RSF1: variants seen among roughly 807,000 people sequenced by gnomAD.
RSF1 encodes the protein remodeling and spacing factor 1.
In RSF1, 13 loss-of-function variants were observed where a neutral mutation model predicts 145.2. The ratio of observed to expected loss-of-function variants is 0.09; its 90% confidence interval spans 0.06 to 0.14. The LOEUF (loss-of-function observed/expected upper bound fraction) is 0.14, where lower values mean the gene tolerates loss of function less well. Ranked by LOEUF, RSF1 falls within the 10% of genes least tolerant of loss-of-function variation. RSF1 has a pLI of 1.00. For missense variants in RSF1, 1,517 were observed against 1,718.2 expected (o/e 0.88, Z 2.07); for synonymous variants, 577 against 592.6 (o/e 0.97, Z 0.38).
At chr11:77,672,538 A>C (rs1959583712) in intron 14 of RSF1, among the ~76,000 whole-genome samples, 1 of 151,876 alleles carries the variant, frequency 6.6e-6, no homozygotes, top group Non-Finnish European at 1.5e-5. Context: ...CTACCTACCA[A>C]AGTGTTGAGA....
At chr11:77,671,522 T>A (rs1341995077) in intron 15 of RSF1, among the ~76,000 whole-genome samples, 1 of 152,044 alleles carries the variant, frequency 6.6e-6, no homozygotes, top group East Asian at 1.9e-4. Flanking sequence ...CAATGAAAAT[T>A]TAAATTACAA....
intron 3 of RSF1, among the ~76,000 whole-genome samples, chr11:77,744,538 A>G (rs11237279): frequency 0.4 from 60,598 of 151,702 alleles, 12,727 homozygotes; most frequent in African/African-American, 0.52. Flanking sequence ...CTCCTGGGCT[A>G]AAGTGATTCT....
chr11:77,672,099 G>A lies in RSF1; in HGVS notation c.3694C>T (p.Arg1232Cys), dbSNP rs779136727. The A allele has an allele frequency of 1.9e-5, 30 of 1,613,740 alleles. No individual in the cohort carries two copies. The highest frequency in any genetic ancestry group is 1.6e-4 in the Middle Eastern group (1 of 6,080). Reference protein sequence around the residue: ...ESDGSQKSLRRGKEIRRVHKR... With the variant: ...ESDGSQKSLRCGKEIRRVHKR... Reference sequence around the variant, plus strand: ...TGTACTCGCCTTATTTCTTTACCACGTCGCAAACTCTTCTGGGAACCGTCA... The same window carrying A: ...TGTACTCGCCTTATTTCTTTACCACATCGCAAACTCTTCTGGGAACCGTCA... The change falls in exon 15 of 16, where the codon CGT (arginine) becomes TGT (cysteine). Residue 1232 changes from arginine to cysteine, a missense_variant. Physicochemically the swap from Arg to Cys is radical, Grantham distance 180. Coordinates refer to ENST00000308488, the MANE Select transcript of RSF1 (RefSeq NM_016578.4).
At chr11:77,856,246 T>G in the RSF1 span, among the ~76,000 whole-genome samples, 2 of 152,206 alleles carry the variant, frequency 1.3e-5, no homozygotes, top group Admixed American at 1.3e-4. Context: ...CAAGTAACCT[T>G]TACACTAGTT....
intron 1 of RSF1, among the ~76,000 whole-genome samples, chr11:77,768,248 T>C (rs4578411): frequency 0.17 from 26,121 of 149,556 alleles, 2,847 homozygotes; most frequent in African/African-American, 0.29. Context: ...CTGCAACCTC[T>C]GCCTCCCGGG....
rs564410248 is a variant in RSF1, at chr11:77,686,408, C to CAA, written c.2901-1251_2901-1250dup. 7.5e-4 allele frequency among the ~76,000 whole-genome samples: 28 copies of CAA among 37,104 alleles called. 5 individuals carry two copies. Among genetic ancestry groups the CAA allele is most frequent in the African/African-American group, 2.1e-3 (17 of 8,216 alleles). 24.3% of individuals were successfully genotyped at this position (37,104 alleles called of 152,430 possible). On this transcript the variant is annotated intron_variant, in intron 9 of 15. Transcript: ENST00000308488. ...GGGCATCAAGAGTGAGACCCTGTCT[C>CAA]AAAAAAAAAAAAAAAAAAAAGCAGG...
chr11:77,719,460 T>C (rs1238261481), intron 5 of RSF1, among the ~76,000 whole-genome samples: 2 of 152,280 alleles, frequency 1.3e-5, no homozygotes, highest in Middle Eastern at 3.4e-3. Flanking sequence ...GAAAGGAGTA[T>C]GGCAAAATGG....
At position 77,731,831 on chromosome 11, in the gene RSF1, G is replaced by A. The variant is rs190023280; in HGVS notation, c.579-6132C>T. Among the ~76,000 whole-genome samples the A allele has an allele frequency of 1.2e-3, 179 of 152,356 alleles. 1 individual carries two copies. Among genetic ancestry groups the A allele is most frequent in the African/African-American group, 4.1e-3 (171 of 41,584 alleles). On this transcript the variant is annotated intron_variant, in intron 4 of 15. Transcript: ENST00000308488. ...CTGCCTAGATTTCAGAAGATGTATG[G>A]AAACACCTGGATGCCCAGGCAGAAG... is the stretch of plus-strand genomic sequence containing the variant.
chr11:77,811,855 A>G (rs941245487), intron 1 of RSF1, among the ~76,000 whole-genome samples: 1 of 152,158 alleles, frequency 6.6e-6, no homozygotes, highest in Non-Finnish European at 1.5e-5. Flanking sequence ...AGTAACATTC[A>G]TTTAAGAGGT....
intron 4 of RSF1, among the ~76,000 whole-genome samples, chr11:77,732,122 G>GCAGCGCAGCTGCCCAA (rs1565163171): frequency 6.6e-6 from 1 of 152,216 alleles, no homozygotes; most frequent in East Asian, 1.9e-4. Flanking sequence ...CAAGACCATG[G>GCAGCGCAGCTGCCCAA]GAACCCACCA....
the RSF1 span, chr11:77,869,622 C>A: frequency 8.6e-7 from 1 of 1,165,776 alleles, no homozygotes; most frequent in Non-Finnish European, 1.3e-6. Flanking sequence ...ACAAAGTGAA[C>A]CTCAGTAGAC....
intron 13 of RSF1, 52 bp from the exon 14 acceptor site, chr11:77,675,308 A>G: frequency 6.9e-7 from 1 of 1,449,588 alleles, no homozygotes; most frequent in Non-Finnish European, 9.3e-7. Context: ...GAGTGAACCC[A>G]TTTTTAAGAG....
chr11:77,661,038 G>A lies in RSF1; in HGVS notation c.*5879C>T, dbSNP rs1959227037. ...AGATTTCAAAATACTTAGTGAATAA[G>A]GAAGGAACTGAAACTTGAATTTGAC... On this transcript the variant is annotated 3_prime_UTR_variant, in exon 16 of 16. Transcript: ENST00000308488. 6.6e-6 allele frequency: 1 copy of A among 152,154 alleles called. No homozygotes were observed. The highest frequency in any genetic ancestry group is 1.5e-5 in the Non-Finnish European group (1 of 68,004). The allele number at this position is 152,154 out of a possible 1,614,324, so 9.4% of individuals were successfully genotyped here.
At position 77,675,121 on chromosome 11, in the gene RSF1, G is replaced by A. The variant is rs190089192; in HGVS notation, c.3477C>T (p.Ser1159=). 25 of 1,614,170 alleles carry A rather than the reference G, an allele frequency of 1.5e-5. No individual in the cohort carries two copies. The East Asian group carries it at 5.1e-4, about 33-fold the overall frequency. Residue 1159 remains serine (S), a synonymous_variant, in exon 14 of 16, where the codon AGC becomes AGT. Transcript: ENST00000308488. The part of the protein sequence containing the change: ...RRHPSRPMRQ[S]RRLRRKTPKK... ...TTGGGGTCTTTCTTCGCAAACGCCT[G>A]CTCTGCCTCATTGGCCGAGAGGGGT...
chr11:77,671,141 ATATATATATATATATATATATATAT>A lies in RSF1; in HGVS notation c.3751+876_3751+900del, dbSNP rs1959528568. ...AAAAAAAAAAAAAAAAAAAAAAAAT[ATATATATATATATATATATATATAT>A]ATATATATATATTTATATGTATATA... On this transcript the variant is annotated intron_variant, in intron 15 of 15. Transcript: ENST00000308488. Among the ~76,000 whole-genome samples, 7 of 14,452 alleles carry A rather than the reference ATATATATATATATATATATATATAT, an allele frequency of 4.8e-4. 1 individual carries two copies. Among genetic ancestry groups the A allele is most frequent in the African/African-American group, 3.0e-3 (7 of 2,316 alleles). 9.5% of individuals were successfully genotyped at this position (14,452 alleles called of 152,430 possible). A position where few individuals can be genotyped will look rare whatever the true frequency, so the allele number is the denominator to read the frequency against.
chr11:77,821,558 A>T (rs1177088617), upstream of RSF1, among the ~76,000 whole-genome samples: 1 of 151,976 alleles, frequency 6.6e-6, no homozygotes. Context: ...CTGGGAGAAG[A>T]GGATCTGAGG....
chr11:77,804,916 A>C (rs187665131), intron 1 of RSF1, among the ~76,000 whole-genome samples: 346 of 152,328 alleles, frequency 2.3e-3, no homozygotes, highest in African/African-American at 7.9e-3. Context: ...ATCAATCAGG[A>C]ATCTCTTTAC....
chr11:77,756,976 GAC>G (rs1475598496), intron 2 of RSF1, among the ~76,000 whole-genome samples: 4 of 152,168 alleles, frequency 2.6e-5, no homozygotes, highest in African/African-American at 4.8e-5. Context: ...GTGAGTAACT[GAC>G]ACAGCTATGA....
chr11:77,737,574 C>G (rs2135905374), intron 4 of RSF1, among the ~76,000 whole-genome samples: 1 of 149,614 alleles, frequency 6.7e-6, no homozygotes, highest in Non-Finnish European at 1.5e-5. Context: ...TTTTGTTTAT[C>G]AAAAACAAAT....
Sources: allele counts gnomAD v4.1 joint callset (sites outside exome capture counted in the v4.1 genomes callset), GRCh38; gene constraint gnomAD v4.1.1; transcripts MANE v1.5; gene names NCBI Gene and HGNC (gene_info 2026-07-23, HGNC 2026-07-21).